Variants in ADAMTSL1 observed in about 807,000 individuals in gnomAD.
ADAMTSL1 encodes the protein ADAMTS like 1.
In ADAMTSL1, 126 loss-of-function variants were observed where a neutral mutation model predicts 201.8. The ratio of observed to expected loss-of-function variants is 0.62; its 90% CI spans 0.54 to 0.72. The LOEUF (loss-of-function observed/expected upper bound fraction) is 0.72, where lower values mean the gene tolerates loss of function less well. ADAMTSL1 is among the 30% of genes least tolerant of loss of function. ADAMTSL1 has a pLI of 0.00. For synonymous variants in ADAMTSL1, 1,121 were observed against 903.4 expected, an observed-to-expected ratio of 1.24 and a Z score of -4.32; for missense variants, 2,679 against 2,277.8, an observed-to-expected ratio of 1.18 and a Z score of -3.59.
intron 1 of ADAMTSL1, among the ~76,000 whole-genome samples, chr9:18,125,160 G>C (rs1310810326): frequency 2.0e-5 from 3 of 152,154 alleles, no homozygotes; most frequent in South Asian, 2.1e-4. Flanking sequence ...CATGTGGCTG[G>C]GGAGGCCTCA....
At chr9:18,718,690 G>T (rs906086773) in intron 14 of ADAMTSL1, among the ~76,000 whole-genome samples, 1 of 152,172 alleles carries the variant, frequency 6.6e-6, no homozygotes, top group Non-Finnish European at 1.5e-5. Context: ...GTTTGGCATT[G>T]TCCAGAAGGG....
At chr9:18,450,229 G>T (rs1820351174) in intron 2 of ADAMTSL1, among the ~76,000 whole-genome samples, 1 of 152,124 alleles carries the variant, frequency 6.6e-6, no homozygotes, top group African/African-American at 2.4e-5. Context: ...AGACACAAGG[G>T]AATTTCATGG....
chr9:18,147,367 A>G (rs959653543), intron 1 of ADAMTSL1, among the ~76,000 whole-genome samples: 1 of 152,146 alleles, frequency 6.6e-6, no homozygotes, highest in African/African-American at 2.4e-5. Flanking sequence ...AGCAACCAGA[A>G]TAAGAAAGAC....
chr9:18,218,287 T>G (rs1433520410), intron 2 of ADAMTSL1, among the ~76,000 whole-genome samples: 1 of 152,182 alleles, frequency 6.6e-6, no homozygotes, highest in Non-Finnish European at 1.5e-5. Flanking sequence ...TTTAAAATAC[T>G]CATGGACATG....
chr9:18,436,802 A>G (rs1819754268), intron 2 of ADAMTSL1, among the ~76,000 whole-genome samples: 1 of 152,108 alleles, frequency 6.6e-6, no homozygotes, highest in Non-Finnish European at 1.5e-5. Context: ...CCTACACTGT[A>G]TTATACAGCA....
At chr9:18,811,012 C>CAA (rs76456235) in intron 20 of ADAMTSL1, among the ~76,000 whole-genome samples, 6,786 of 38,910 alleles carry the variant, frequency 0.17, 614 homozygotes, top group East Asian at 0.33. Flanking sequence ...CAATGAGTAC[C>CAA]AAAAAAAAAA....
At chr9:18,360,632 C>T (rs957935068) in intron 2 of ADAMTSL1, 1 of 152,180 alleles carries the variant, frequency 6.6e-6, no homozygotes, top group African/African-American at 2.4e-5. Flanking sequence ...GACATTAACA[C>T]TCTTCAAAGT....
intron 4 of ADAMTSL1, among the ~76,000 whole-genome samples, chr9:18,588,344 CT>C (rs1348856010): frequency 2.6e-5 from 4 of 151,706 alleles, no homozygotes; most frequent in Non-Finnish European, 4.4e-5. Context: ...AGTTGAGCTC[CT>C]TATATACTCT....
At chr9:18,680,709 T>C (rs1830419925) in intron 11 of ADAMTSL1, 193 bp downstream of exon 11, 2 of 614,520 alleles carry the variant, frequency 3.3e-6, no homozygotes, top group African/African-American at 3.7e-5. Flanking sequence ...TTTTAAAGTG[T>C]CTTTCTTCAA....
intron 3 of ADAMTSL1, among the ~76,000 whole-genome samples, chr9:18,553,234 A>ACTCTTCC (rs1217362547): frequency 8.9e-6 from 1 of 112,290 alleles, no homozygotes; most frequent in East Asian, 2.9e-4. Context: ...TTCTTATTAT[A>ACTCTTCC]CTCTTCCCTC....
intron 4 of ADAMTSL1, among the ~76,000 whole-genome samples, chr9:18,584,982 A>C (rs557979261): frequency 3.3e-4 from 51 of 152,334 alleles, no homozygotes; most frequent in Middle Eastern, 3.4e-3. Flanking sequence ...GGTAACATCT[A>C]TATTTCTATC....
intron 2 of ADAMTSL1, among the ~76,000 whole-genome samples, chr9:18,330,023 G>C (rs1169174806): frequency 6.6e-6 from 1 of 152,120 alleles, no homozygotes; most frequent in Non-Finnish European, 1.5e-5. Context: ...CTGCATAAGG[G>C]GGTTAAAACA....
intron 2 of ADAMTSL1, among the ~76,000 whole-genome samples, chr9:18,226,190 T>C (rs1830430141): frequency 6.6e-6 from 1 of 152,168 alleles, no homozygotes; most frequent in Non-Finnish European, 1.5e-5. Context: ...ATTTTTTCAA[T>C]TGACAAAAAA....
intron 1 of ADAMTSL1, among the ~76,000 whole-genome samples, chr9:18,118,881 C>A (rs533892803): frequency 3.9e-5 from 6 of 152,138 alleles, no homozygotes; most frequent in Non-Finnish European, 7.4e-5. Flanking sequence ...ACAGAAAATA[C>A]CGCAAAGCAT....
chr9:18,231,031 C>T (rs932226551), intron 2 of ADAMTSL1, among the ~76,000 whole-genome samples: 2 of 152,136 alleles, frequency 1.3e-5, no homozygotes, highest in Non-Finnish European at 2.9e-5. Context: ...CTTATGCCTC[C>T]TCATCAGCCT....
chr9:18,519,770 G>C (rs1341060), intron 2 of ADAMTSL1, among the ~76,000 whole-genome samples: 85,567 of 151,988 alleles, frequency 0.56, 24,434 homozygotes, highest in East Asian at 0.79. Flanking sequence ...CTCACTTTCC[G>C]CATTGGAGTG....
At chr9:18,474,107 A>G, upstream of ADAMTSL1, 2 of 440,246 alleles carry the variant, frequency 4.5e-6, no homozygotes, top group Non-Finnish European at 8.8e-6. Flanking sequence ...AGGAAATGTG[A>G]GAGGGGCTGA....
At chr9:18,435,708 G>A (rs779137406) in intron 2 of ADAMTSL1, among the ~76,000 whole-genome samples, 3 of 152,212 alleles carry the variant, frequency 2.0e-5, no homozygotes, top group Non-Finnish European at 4.4e-5. Context: ...ACCCAAGATT[G>A]AGCAGGCCTC....
intron 7 of ADAMTSL1, among the ~76,000 whole-genome samples, chr9:18,642,069 T>C (rs1827479534): frequency 6.6e-6 from 1 of 151,990 alleles, no homozygotes. Context: ...CCTGGTGATC[T>C]GGTGGTATGA....
Sources: gnomAD v4.1 joint callset for allele counts (sites outside exome capture counted in the v4.1 genomes callset) on GRCh38, gnomAD v4.1.1 for gene constraint, MANE v1.5 for transcripts, NCBI Gene and HGNC (gene_info 2026-07-23, HGNC 2026-07-21) for gene names.